The following ATE1 variants were observed in gnomAD, a reference collection of about 807,000 sequenced individuals.
ATE1 encodes arginyl-tRNA--protein transferase 1.
ATE1 carries 36 observed loss-of-function variants against 70.5 expected under a neutral mutation model. The observed-to-expected ratio is 0.51, with a 90% CI of 0.39 to 0.67. ATE1 has a LOEUF of 0.67. Among genes scored for constraint, ATE1 ranks in the 30% least tolerant of loss-of-function variants. The pLI is 0.00. For missense variants in ATE1, 593 were observed against 629.5 expected, an observed-to-expected ratio of 0.94 and a Z score of 0.62; for synonymous variants, 232 against 219.3, an observed-to-expected ratio of 1.06 and a Z score of -0.51.
At chr10:121,900,424 G>A (rs1351859318) in intron 6 of ATE1, among the ~76,000 whole-genome samples, 1 of 152,102 alleles carries the variant, frequency 6.6e-6, no homozygotes, top group Non-Finnish European at 1.5e-5. Flanking sequence ...CTTAAAACTT[G>A]ACTGTTTGAG....
At chr10:121,928,424 G>A (rs531408020), upstream of ATE1, 5 of 1,521,492 alleles carry the variant, frequency 3.3e-6, no homozygotes, top group Admixed American at 8.4e-5. Context: ...TTCCACCACC[G>A]ACGCCATGGC....
intron 10 of ATE1, among the ~76,000 whole-genome samples, chr10:121,824,772 A>G (rs1013589707): frequency 3.9e-5 from 6 of 152,320 alleles, no homozygotes; most frequent in African/African-American, 1.4e-4. Context: ...GGCCTTACAC[A>G]GCACTCTGAG....
At chr10:121,839,668 T>C (rs1948556609) in intron 9 of ATE1, among the ~76,000 whole-genome samples, 2 of 152,114 alleles carry the variant, frequency 1.3e-5, no homozygotes, top group Non-Finnish European at 2.9e-5. Flanking sequence ...TACATAAGAA[T>C]AAAAAGACTG....
chr10:121,910,331 A>T (rs1951369960), intron 5 of ATE1, among the ~76,000 whole-genome samples: 1 of 152,244 alleles, frequency 6.6e-6, no homozygotes, highest in East Asian at 1.9e-4. Context: ...AAATAATTTT[A>T]AAAGAGTCAT....
chr10:121,927,323 T>A, intron 1 of ATE1: 1 of 984,990 alleles, frequency 1.0e-6, no homozygotes, highest in Non-Finnish European at 1.2e-6. Flanking sequence ...ACCAGTTTCT[T>A]GTCCTTTTTT....
At chr10:121,922,602 A>G (rs1329057421) in intron 2 of ATE1, among the ~76,000 whole-genome samples, 191 bp from the exon 3 acceptor site, 1 of 152,122 alleles carries the variant, frequency 6.6e-6, no homozygotes, top group African/African-American at 2.4e-5. Context: ...CCTGCCTTTT[A>G]TTTCCTAAAG....
At position 121,899,900 on chromosome 10, in the gene ATE1, T is replaced by G; in HGVS notation, c.908A>C (p.His303Pro). Residue 303 changes from histidine (H) to proline (P), a missense_variant, in exon 7 of 12, where the codon CAC becomes CCC. Physicochemically the swap from His to Pro is moderately conservative, Grantham distance 77 (BLOSUM62 -2). Coordinates refer to ENST00000224652, the MANE Select transcript of ATE1 (RefSeq NM_001001976.3). ...GGTTGGCGTATCAGGTGGGTTCTTG[T>G]GAATAACCATCTGGTAACGTTTATA... The part of the protein sequence containing the change: ...QVYKRYQMVI[H>P]KNPPDTPTES... 3 of 1,613,384 alleles carry G rather than the reference T, an allele frequency of 1.9e-6. No homozygotes were observed. The highest frequency in any genetic ancestry group is 2.5e-6 in the Non-Finnish European group (3 of 1,179,482).
intron 11 of ATE1, among the ~76,000 whole-genome samples, chr10:121,785,750 T>C (rs936815483): frequency 3.3e-5 from 5 of 152,194 alleles, no homozygotes; most frequent in Non-Finnish European, 5.9e-5. Context: ...AGAAATTCAC[T>C]ATCCTGGGTA....
At chr10:121,857,326 C>T (rs2133921639) in intron 8 of ATE1, among the ~76,000 whole-genome samples, 1 of 152,198 alleles carries the variant, frequency 6.6e-6, no homozygotes, top group African/African-American at 2.4e-5. Flanking sequence ...TCCATGTGTA[C>T]CCAAGGTTTA....
At chr10:121,786,620 G>T (rs537185539) in intron 11 of ATE1, among the ~76,000 whole-genome samples, 4 of 149,810 alleles carry the variant, frequency 2.7e-5, no homozygotes, top group African/African-American at 9.9e-5. Context: ...AGTGAGCCAA[G>T]ATCATACCAG....
intron 11 of ATE1, among the ~76,000 whole-genome samples, chr10:121,752,154 G>A (rs767618602): frequency 1.7e-4 from 25 of 146,474 alleles, no homozygotes; most frequent in Non-Finnish European, 2.7e-4. Context: ...CCGAGGTTGC[G>A]CCACTGCACT....
chr10:121,836,935 AC>A, intron 9 of ATE1, 118 bp from the exon 10 acceptor site: 1 of 641,560 alleles, frequency 1.6e-6, no homozygotes, highest in East Asian at 3.1e-5. Flanking sequence ...TCAAAAAATT[AC>A]AAATATTGAA....
intron 1 of ATE1, 85 bp downstream of exon 1, chr10:121,927,759 G>A (rs1183479296): frequency 9.7e-6 from 14 of 1,439,116 alleles, no homozygotes; most frequent in South Asian, 2.8e-5. Context: ...AGGGGCTCCG[G>A]CCCCCTCGCG....
chr10:121,766,816 C>T (rs1308815604), intron 11 of ATE1, among the ~76,000 whole-genome samples: 1 of 152,096 alleles, frequency 6.6e-6, no homozygotes, highest in East Asian at 1.9e-4. Flanking sequence ...ACCTCCATTC[C>T]CAGATGGCAT....
chr10:121,780,734 C>A (rs1945949111), intron 11 of ATE1, among the ~76,000 whole-genome samples: 1 of 152,216 alleles, frequency 6.6e-6, no homozygotes, highest in Non-Finnish European at 1.5e-5. Context: ...GCACTTAGTG[C>A]TTCTGTTCCA....
intron 8 of ATE1, among the ~76,000 whole-genome samples, chr10:121,852,523 C>A (rs1949092587): frequency 6.6e-6 from 1 of 151,950 alleles, no homozygotes; most frequent in Admixed American, 6.6e-5. Context: ...CCAGCCTGGC[C>A]AACATGGCGA....
chr10:121,808,606 C>T (rs1947193095), intron 10 of ATE1, among the ~76,000 whole-genome samples: 1 of 152,194 alleles, frequency 6.6e-6, no homozygotes, highest in South Asian at 2.1e-4. Flanking sequence ...TTAATCACAA[C>T]TTGCTTGATA....
upstream of ATE1, chr10:121,928,332 G>C (rs1475032756): frequency 1.3e-6 from 2 of 1,518,590 alleles, no homozygotes; most frequent in East Asian, 2.7e-5. Flanking sequence ...CAACTCCGGC[G>C]TCGGGAACAC....
At chr10:121,773,079 C>CT (rs1945588025) in intron 11 of ATE1, among the ~76,000 whole-genome samples, 1 of 152,228 alleles carries the variant, frequency 6.6e-6, no homozygotes, top group African/African-American at 2.4e-5. Context: ...CCACTCCCTT[C>CT]TTTGTGCTAC....
Sources: gnomAD v4.1 joint callset for allele counts (sites outside exome capture counted in the v4.1 genomes callset) on GRCh38, gnomAD v4.1.1 for gene constraint, MANE v1.5 for transcripts, NCBI Gene and HGNC (gene_info 2026-07-23, HGNC 2026-07-21) for gene names.